The following B3GAT1 variants were observed in gnomAD, a reference collection of about 807,000 sequenced individuals.
B3GAT1 encodes the protein galactosylgalactosylxylosylprotein 3-beta-glucuronosyltransferase 1.
A neutral mutation model predicts 28.4 loss-of-function variants in B3GAT1; 11 were observed. The ratio of observed to expected loss-of-function variants is 0.39; its 90% confidence interval spans 0.24 to 0.64. The LOEUF (loss-of-function observed/expected upper bound fraction) is 0.64, where lower values mean the gene tolerates loss of function less well. Among genes scored for constraint, B3GAT1 ranks in the 30% least tolerant of loss-of-function variants. The probability of loss-of-function intolerance (pLI) is 0.50; values close to 1 mark genes in which losing one functional copy is unlikely to be tolerated. For missense variants in B3GAT1, 375 were observed against 491.0 expected, an observed-to-expected ratio of 0.76 and a Z score of 2.23; for synonymous variants, 255 against 223.1, an observed-to-expected ratio of 1.14 and a Z score of -1.27.
At chr11:134,391,869 AG>A (rs1944417436) in intron 1 of B3GAT1, 1 of 152,340 alleles carries the variant, frequency 6.6e-6, no homozygotes, top group Non-Finnish European at 1.5e-5. Context: ...CTCAGAGGGA[AG>A]CAAGCACTTC....
At chr11:134,381,747 G>C in intron 5 of B3GAT1, 177 bp downstream of exon 5, 1 of 594,494 alleles carries the variant, frequency 1.7e-6, no homozygotes, top group Non-Finnish European at 3.0e-6. Context: ...GTTAATGCCT[G>C]GATACTTTCA....
In B3GAT1 at chr11:134,393,959, G is replaced by A. The variant is rs538007100; in HGVS notation, c.-281-6019C>T. 2.6e-5 allele frequency among the ~76,000 whole-genome samples: 4 copies of A among 152,136 alleles called. 1 individual carries two copies. Among genetic ancestry groups the A allele is most frequent in the Admixed American group, 6.5e-5 (1 of 15,276 alleles). ...GCGGATTAGTATTGATTCTGCAGGC[G>A]CTGCTCAGGAAACGCCTGATGCCAC... On this transcript the variant is annotated intron_variant, in intron 1 of 5. Coordinates refer to ENST00000312527, the MANE Select transcript of B3GAT1 (RefSeq NM_054025.3). The surrounding 1 kb of genome is among the most constrained non-coding windows in gnomAD (Gnocchi z 4.0).
In B3GAT1 at chr11:134,387,924, C is replaced by T; in HGVS notation, c.-265G>A. On this transcript the variant is annotated 5_prime_UTR_variant, in exon 2 of 6. Transcript: ENST00000312527. ...GCTGTCCAGGGGCAGGGGTCAGGAA[C>T]CCTGGGGGGTGGACACCTGCAAGAG... is the stretch of plus-strand genomic sequence containing the variant. 6.9e-7 allele frequency: 1 copy of T among 1,442,606 alleles called. No homozygotes were observed. The highest frequency in any genetic ancestry group is 9.3e-7 in the Non-Finnish European group (1 of 1,077,086). 89.4% of individuals were successfully genotyped at this position (1,442,606 alleles called of 1,614,324 possible).
At position 134,378,510 on chromosome 11, in the gene B3GAT1, CT is replaced by C. The variant is rs765819354; in HGVS notation, c.*2251del. On this transcript the variant is annotated 3_prime_UTR_variant, in exon 6 of 6. Coordinates refer to ENST00000312527, the MANE Select transcript of B3GAT1 (RefSeq NM_054025.3). Reference sequence around the variant, plus strand: ...AAGGCAGGGCTGAAGAGGATTAGGACTGTTAAAAACTGTATTTGACTTTTAA... The same window carrying C: ...AAGGCAGGGCTGAAGAGGATTAGGACGTTAAAAACTGTATTTGACTTTTAA... 2 of 152,186 alleles carry C rather than the reference CT, an allele frequency of 1.3e-5. No individual in the cohort carries two copies. The highest frequency in any genetic ancestry group is 2.9e-5 in the Non-Finnish European group (2 of 68,042). 9.4% of individuals were successfully genotyped at this position (152,186 alleles called of 1,614,324 possible). A position where few individuals can be genotyped will look rare whatever the true frequency, so the allele number is the denominator to read the frequency against.
chr11:134,406,096 G>A (rs916746158), intron 1 of B3GAT1, among the ~76,000 whole-genome samples: 14 of 152,190 alleles, frequency 9.2e-5, no homozygotes, highest in Non-Finnish European at 1.9e-4. Context: ...ACCAGCGCCC[G>A]GGGGGCTCGT....
intron 1 of B3GAT1, chr11:134,389,429 G>A (rs1944363290): frequency 6.6e-6 from 1 of 152,264 alleles, no homozygotes; most frequent in African/African-American, 2.4e-5. Context: ...CCCAAGTGAG[G>A]AGAATGAGCC....
chr11:134,387,506 C>T, intron 2 of B3GAT1, 42 bp downstream of exon 2: 10 of 1,608,286 alleles, frequency 6.2e-6, no homozygotes, highest in Non-Finnish European at 8.5e-6. Context: ...ACTGTCACTA[C>T]CAAGGCCCAG....
At chr11:134,381,535 A>G in intron 5 of B3GAT1, 1 of 204,230 alleles carries the variant, frequency 4.9e-6, no homozygotes. Flanking sequence ...CGAGTCCGTG[A>G]GTCCTCACCA....
chr11:134,388,695 G>A (rs989231366), intron 1 of B3GAT1: 2 of 152,200 alleles, frequency 1.3e-5, no homozygotes, highest in Admixed American at 6.5e-5. Context: ...TCATAAGTGA[G>A]AATGCATCGT....
At chr11:134,398,928 G>A (rs915557559) in intron 1 of B3GAT1, among the ~76,000 whole-genome samples, 5 of 152,198 alleles carry the variant, frequency 3.3e-5, no homozygotes, top group Non-Finnish European at 7.3e-5. Flanking sequence ...TTTTGAAAAG[G>A]CGATGAGCTG....
At chr11:134,396,498 A>C (rs1268970820) in intron 1 of B3GAT1, among the ~76,000 whole-genome samples, 2 of 152,154 alleles carry the variant, frequency 1.3e-5, no homozygotes, top group Non-Finnish European at 1.5e-5. Flanking sequence ...GACCCTGTGC[A>C]CCTGCCAGCC....
In B3GAT1 at chr11:134,383,743, G is replaced by A. The variant is rs1944196780; in HGVS notation, c.558C>T (p.Ser186=). The A allele has an allele frequency of 1.3e-6, 2 of 1,595,006 alleles. No homozygotes were observed. The highest frequency in any genetic ancestry group is 2.2e-5 in the South Asian group (2 of 89,070). The part of the protein sequence containing the change: ...WLRETFPRNS[S]QPGVVYFADD... ...CGGCGAAGTAGACCACGCCAGGCTG[G>A]CTGGAGTTGCGCGGGAAGGTCTCGC... is the stretch of plus-strand genomic sequence containing the variant. The change falls in exon 3 of 6, where the codon AGC becomes AGT. Residue 186 remains serine, a synonymous_variant. Transcript: ENST00000312527.
chr11:134,383,929 C>A lies in B3GAT1; in HGVS notation c.372G>T (p.Pro124=). 6.3e-7 allele frequency: 1 copy of A among 1,596,302 alleles called. No individual in the cohort carries two copies. Among genetic ancestry groups the A allele is most frequent in the South Asian group, 1.1e-5 (1 of 90,302 alleles). Residue 124 remains proline, a synonymous_variant, in exon 3 of 6, where the codon CCG becomes CCT. Coordinates refer to ENST00000312527, the MANE Select transcript of B3GAT1 (RefSeq NM_054025.3). Reference sequence around the variant, plus strand: ...GGCGCGCGGTCAGCGGCGTCCGGCGCGGCGCATCCTCCACCACCAGCCAGT... The same window carrying A: ...GGCGCGCGGTCAGCGGCGTCCGGCGAGGCGCATCCTCCACCACCAGCCAGT... ...NLHWLVVEDA[P]RRTPLTARLL...
chr11:134,388,434 T>C (rs952568645), intron 1 of B3GAT1: 7 of 159,222 alleles, frequency 4.4e-5, no homozygotes, highest in African/African-American at 1.7e-4. Context: ...TTTTTCTTTT[T>C]TTTAACCATA....
intron 1 of B3GAT1, among the ~76,000 whole-genome samples, chr11:134,395,677 G>T (rs556699174): frequency 6.6e-6 from 1 of 152,074 alleles, no homozygotes; most frequent in Admixed American, 6.5e-5. Context: ...CTCCTTCCTT[G>T]CTACCTTTCC....
intron 1 of B3GAT1, chr11:134,388,678 C>T (rs1035719456): frequency 1.3e-5 from 2 of 152,182 alleles, no homozygotes; most frequent in African/African-American, 4.8e-5. Context: ...CAGTGTTTAG[C>T]TCTCACTCAT....
intron 5 of B3GAT1, chr11:134,381,578 A>C (rs1944123627): frequency 4.0e-6 from 1 of 248,988 alleles, no homozygotes; most frequent in South Asian, 6.3e-5. Context: ...ACAGGGGAAG[A>C]GGCAGACTTG....
chr11:134,386,564 G>A (rs1387341657), intron 2 of B3GAT1: 1 of 152,122 alleles, frequency 6.6e-6, no homozygotes, highest in Non-Finnish European at 1.5e-5. Flanking sequence ...AGTTCTTCAC[G>A]GGACTTTTCC....
rs748842630 is a variant in B3GAT1 at position 134,384,043 on chromosome 11, G to T, written c.258C>A (p.Ile86=). 6.2e-7 allele frequency: 1 copy of T among 1,605,586 alleles called. No individual in the cohort carries two copies. Among genetic ancestry groups the T allele is most frequent in the South Asian group, 1.1e-5 (1 of 90,964 alleles). ...PPPWSDTLPT[I]HVVTPTYSRP... Reference sequence around the variant, plus strand: ...GGCTGTAGGTGGGCGTCACCACGTGGATGGTGGGCAGCGTGTCGGACCATG... The same window carrying T: ...GGCTGTAGGTGGGCGTCACCACGTGTATGGTGGGCAGCGTGTCGGACCATG... The change falls in exon 3 of 6, where the codon ATC becomes ATA. Residue 86 remains isoleucine (I), a synonymous_variant. Coordinates refer to ENST00000312527, the MANE Select transcript of B3GAT1 (RefSeq NM_054025.3).
Sources: gnomAD v4.1 joint callset for allele counts (sites outside exome capture counted in the v4.1 genomes callset) on GRCh38, gnomAD v4.1.1 for gene constraint, Gnocchi (gnomAD v3.1) non-coding constraint, MANE v1.5 for transcripts, NCBI Gene and HGNC (gene_info 2026-07-23, HGNC 2026-07-21) for gene names.